OTUD7A: variants seen among roughly 807,000 people sequenced by gnomAD.
The protein encoded by OTUD7A is OTU domain-containing protein 7A.
Under a neutral mutation model 65.7 loss-of-function variants are expected in OTUD7A, and 12 were observed. That is an observed-to-expected ratio of 0.18 (90% CI 0.12 to 0.30). The LOEUF is 0.30. OTUD7A is among the 10% of genes least tolerant of loss of function. The pLI is 1.00. For synonymous variants in OTUD7A, 641 were observed against 586.3 expected (o/e 1.09, Z -1.35); for missense variants, 1,148 against 1,304.8 (o/e 0.88, Z 1.85).
At chr15:31,558,872 G>A (rs1888586566) in intron 5 of OTUD7A, 97 bp downstream of exon 5, 1 of 1,342,134 alleles carries the variant, frequency 7.5e-7, no homozygotes, top group South Asian at 1.3e-5. Flanking sequence ...CCCAGAGTCT[G>A]AGAACATGTG....
At chr15:31,633,055 T>C (rs968714569) in intron 3 of OTUD7A, among the ~76,000 whole-genome samples, 8 of 152,246 alleles carry the variant, frequency 5.3e-5, no homozygotes, top group African/African-American at 1.9e-4. Context: ...GGGAATTCCC[T>C]GACCCCTTGA....
intron 3 of OTUD7A, among the ~76,000 whole-genome samples, chr15:31,614,267 C>A (rs901970249): frequency 2.0e-5 from 3 of 151,570 alleles, no homozygotes; most frequent in Non-Finnish European, 4.4e-5. Context: ...CTCATGTAAC[C>A]GAACACGACC....
intron 1 of OTUD7A, among the ~76,000 whole-genome samples, chr15:31,806,994 C>T (rs1393023095): frequency 6.6e-6 from 1 of 152,170 alleles, no homozygotes; most frequent in Non-Finnish European, 1.5e-5. Context: ...AGTGGGGTGG[C>T]CTTGGCCACA....
chr15:31,862,881 A>G (rs1897781158), intron 1 of OTUD7A, among the ~76,000 whole-genome samples: 1 of 152,222 alleles, frequency 6.6e-6, no homozygotes, highest in African/African-American at 2.4e-5. Context: ...GTCTCATCTG[A>G]GACAAGGCAA....
At chr15:31,571,951 C>T (rs544524510) in intron 3 of OTUD7A, among the ~76,000 whole-genome samples, 1 of 152,296 alleles carries the variant, frequency 6.6e-6, no homozygotes, top group East Asian at 1.9e-4. Flanking sequence ...TTCACTGTTT[C>T]CTTTGCCTCT....
At chr15:31,826,024 G>A (rs1211983548) in intron 1 of OTUD7A, among the ~76,000 whole-genome samples, 1 of 152,174 alleles carries the variant, frequency 6.6e-6, no homozygotes, top group Non-Finnish European at 1.5e-5. Context: ...TTTTTGGGCT[G>A]GCATTTGGTG....
intron 1 of OTUD7A, among the ~76,000 whole-genome samples, chr15:31,739,994 A>G (rs1417805641): frequency 6.6e-6 from 1 of 152,244 alleles, no homozygotes; most frequent in African/African-American, 2.4e-5. Context: ...CCCGTCTTTG[A>G]ATGATGCTAC....
intron 1 of OTUD7A, among the ~76,000 whole-genome samples, chr15:31,663,028 A>C (rs1299477226): frequency 6.6e-6 from 1 of 150,934 alleles, no homozygotes; most frequent in East Asian, 2.0e-4. Flanking sequence ...ATACACAATC[A>C]TATCAAATGC....
chr15:31,569,819 T>C (rs528675910), intron 4 of OTUD7A, among the ~76,000 whole-genome samples, 199 bp downstream of exon 4: 2 of 152,308 alleles, frequency 1.3e-5, no homozygotes, highest in East Asian at 3.9e-4. Context: ...TTTTCTGCTT[T>C]TCTGAGGTAG....
At chr15:31,611,521 A>T (rs1890420594) in intron 3 of OTUD7A, among the ~76,000 whole-genome samples, 1 of 152,212 alleles carries the variant, frequency 6.6e-6, no homozygotes, top group African/African-American at 2.4e-5. Context: ...ATTCAAGGCT[A>T]CTATGAACAT....
intron 1 of OTUD7A, among the ~76,000 whole-genome samples, chr15:31,802,154 TGTA>T (rs1896149546): frequency 6.7e-6 from 1 of 150,262 alleles, no homozygotes; most frequent in African/African-American, 2.5e-5. Flanking sequence ...TATATATATA[TGTA>T]AAGGGGAGTT....
At chr15:31,559,283 ACACACAGGTACACATTCATG>A in intron 4 of OTUD7A, 96 bp from the exon 5 acceptor site, 1 of 1,118,780 alleles carries the variant, frequency 8.9e-7, no homozygotes, top group Admixed American at 2.3e-5. Flanking sequence ...CACAATACAC[ACACACAGGTACACATTCATG>A]CACACAGACC....
intron 3 of OTUD7A, among the ~76,000 whole-genome samples, chr15:31,596,659 A>AT (rs1012193363): frequency 4.5e-4 from 68 of 151,418 alleles, no homozygotes; most frequent in African/African-American, 1.4e-3. Context: ...AGCATTCTTA[A>AT]TTTTTTTTTG....
At chr15:31,783,680 G>T (rs1895600358) in intron 1 of OTUD7A, among the ~76,000 whole-genome samples, 1 of 152,232 alleles carries the variant, frequency 6.6e-6, no homozygotes, top group South Asian at 2.1e-4. Context: ...TGGAGGTCCT[G>T]AGGCAGAGCA....
chr15:31,825,535 G>C (rs1020871674), intron 1 of OTUD7A, among the ~76,000 whole-genome samples: 1 of 152,198 alleles, frequency 6.6e-6, no homozygotes, highest in African/African-American at 2.4e-5. Flanking sequence ...AATTCAAGAT[G>C]AGATTTGGGT....
At chr15:31,804,848 T>G (rs1248964393) in intron 1 of OTUD7A, among the ~76,000 whole-genome samples, 2 of 152,236 alleles carry the variant, frequency 1.3e-5, no homozygotes, top group Non-Finnish European at 2.9e-5. Context: ...TAGACCACTT[T>G]GGTTTAAGTG....
At chr15:31,807,819 A>G (rs1222556325) in intron 1 of OTUD7A, among the ~76,000 whole-genome samples, 3 of 152,034 alleles carry the variant, frequency 2.0e-5, no homozygotes, top group Non-Finnish European at 2.9e-5. Flanking sequence ...CCCCAAAAAA[A>G]CCCACAAATA....
At chr15:31,699,418 AG>A (rs1338989613) in intron 1 of OTUD7A, among the ~76,000 whole-genome samples, 1 of 152,140 alleles carries the variant, frequency 6.6e-6, no homozygotes, top group African/African-American at 2.4e-5. Flanking sequence ...GGTGAGTTTC[AG>A]GGTAGGTTCT....
At chr15:31,544,778 G>A (rs975670449) in intron 5 of OTUD7A, among the ~76,000 whole-genome samples, 17 of 151,880 alleles carry the variant, frequency 1.1e-4, no homozygotes, top group African/African-American at 3.1e-4. Flanking sequence ...AGATCTGAGC[G>A]ACAAAATTAA....
Sources: allele counts gnomAD v4.1 joint callset (sites outside exome capture counted in the v4.1 genomes callset), GRCh38; gene constraint gnomAD v4.1.1; transcripts MANE v1.5; gene names NCBI Gene and HGNC (gene_info 2026-07-23, HGNC 2026-07-21).